The following ZNF469 variants were observed in gnomAD, a reference collection of about 807,000 sequenced individuals.
ZNF469 encodes the protein zinc finger protein 469.
ZNF469 carries 1 observed loss-of-function variant against 1.0 expected under a neutral mutation model. The observed-to-expected ratio is 1.00, with a 90% CI of 0.35 to 4.73. ZNF469 has a LOEUF of 4.73. Ranked by LOEUF, ZNF469 falls within the 30% of genes most tolerant of loss-of-function variation. ZNF469 has a pLI of 0.16. For synonymous variants in ZNF469, 2,703 were observed against 2,363.4 expected (o/e 1.14, Z -4.17); for missense variants, 6,100 against 5,356.3 (o/e 1.14, Z -4.33).
the ZNF469 span, among the ~76,000 whole-genome samples, chr16:88,366,301 A>C: frequency 6.6e-6 from 1 of 151,828 alleles, no homozygotes; most frequent in African/African-American, 2.4e-5. Context: ...CACCATCATC[A>C]CCATCATCAC....
the ZNF469 span, among the ~76,000 whole-genome samples, chr16:88,326,586 A>G: frequency 1.3e-5 from 2 of 152,182 alleles, no homozygotes; most frequent in African/African-American, 2.4e-5. Context: ...AGGACACCGC[A>G]TGTTTCCCAG....
At chr16:88,114,119 G>C in the ZNF469 span, among the ~76,000 whole-genome samples, 1 of 150,046 alleles carries the variant, frequency 6.7e-6, no homozygotes, top group Non-Finnish European at 1.5e-5. Flanking sequence ...GCCCAAGTTT[G>C]CCCACCTGTG....
At chr16:88,422,047 G>A (rs1226956420) in intron 1 of ZNF469, among the ~76,000 whole-genome samples, 2 of 151,156 alleles carry the variant, frequency 1.3e-5, no homozygotes, top group African/African-American at 4.9e-5. Context: ...ATAGATGGGT[G>A]GGTGGATGAA....
At chr16:88,310,413 C>A in the ZNF469 span, among the ~76,000 whole-genome samples, 1 of 111,404 alleles carries the variant, frequency 9.0e-6, no homozygotes, top group South Asian at 3.4e-4. Context: ...TCACATCTCA[C>A]AAGTCACACA....
Position 88,431,510 on chromosome 16 carries a change from C to T in ZNF469, c.4040C>T (p.Ser1347Leu). Residue 1347 changes from serine to leucine, a missense_variant, in exon 3 of 3, where the codon TCA (serine) becomes TTA (leucine). Coordinates refer to ENST00000565624, the MANE Select transcript of ZNF469 (RefSeq NM_001367624.2). ...TACPKPSVLSSKISSFGCDPA... is the reference protein window; with the variant it reads ...TACPKPSVLSLKISSFGCDPA... ...TGCCCCAAACCCAGTGTTCTGTCTT[C>T]AAAGATCTCCAGTTTTGGCTGTGAC... The T allele has an allele frequency of 6.4e-7, 1 of 1,550,444 alleles. No homozygotes were observed. Among genetic ancestry groups the T allele is most frequent in the Non-Finnish European group, 8.7e-7 (1 of 1,146,988 alleles).
At chr16:88,219,144 C>T in the ZNF469 span, among the ~76,000 whole-genome samples, 1 of 148,156 alleles carries the variant, frequency 6.7e-6, no homozygotes, top group Admixed American at 6.7e-5. Context: ...GAAGAACATT[C>T]CATGCTCATG....
At chr16:88,150,771 G>A in the ZNF469 span, among the ~76,000 whole-genome samples, 3 of 151,154 alleles carry the variant, frequency 2.0e-5, no homozygotes, top group South Asian at 2.1e-4. Flanking sequence ...GTGGGAGGGC[G>A]CTAATTTTGA....
chr16:88,200,105 G>A, the ZNF469 span, among the ~76,000 whole-genome samples: 2 of 145,544 alleles, frequency 1.4e-5, no homozygotes, highest in East Asian at 4.0e-4. Flanking sequence ...GACAGGTGAC[G>A]GGAGGAGTGC....
At chr16:88,347,842 C>G in the ZNF469 span, among the ~76,000 whole-genome samples, 1 of 152,240 alleles carries the variant, frequency 6.6e-6, no homozygotes. Flanking sequence ...TTGGGCCTCC[C>G]AGGAAGATAG....
intron 1 of ZNF469, among the ~76,000 whole-genome samples, chr16:88,392,181 A>G (rs1425282703): frequency 6.6e-6 from 1 of 152,262 alleles, no homozygotes; most frequent in Non-Finnish European, 1.5e-5. Context: ...GTGAGTTCAC[A>G]TTCTCCTTGC....
At chr16:88,221,218 G>A in the ZNF469 span, among the ~76,000 whole-genome samples, 5 of 152,350 alleles carry the variant, frequency 3.3e-5, no homozygotes, top group South Asian at 2.1e-4. Flanking sequence ...GGACAGACCC[G>A]GGCTGGCTGG....
chr16:88,387,014 G>A (rs1215128504), intron 1 of ZNF469, among the ~76,000 whole-genome samples: 1 of 152,140 alleles, frequency 6.6e-6, no homozygotes, highest in Non-Finnish European at 1.5e-5. Flanking sequence ...AGGAAAGATG[G>A]GCCAGTACAG....
the ZNF469 span, among the ~76,000 whole-genome samples, chr16:88,336,660 C>T: frequency 2.6e-4 from 40 of 152,246 alleles, no homozygotes; most frequent in African/African-American, 7.0e-4. Flanking sequence ...CCATCCTTCA[C>T]GTGAGACACC....
the ZNF469 span, among the ~76,000 whole-genome samples, chr16:88,182,471 C>G: frequency 6.6e-6 from 1 of 151,912 alleles, no homozygotes; most frequent in African/African-American, 2.4e-5. Context: ...AAGATTCACA[C>G]TTGATTTTTG....
Position 88,434,889 on chromosome 16 carries a change from C to G in ZNF469, c.7419C>G (p.Thr2473=), listed in dbSNP as rs903224408. ...WKGQAPHGPV[T]CEVCAASFRS... is the part of the protein sequence containing the mutation. Reference sequence around the variant, plus strand: ...GCCAAGCTCCACATGGGCCTGTGACCTGTGAGGTCTGCGCAGCCTCCTTCC... The same window carrying G: ...GCCAAGCTCCACATGGGCCTGTGACGTGTGAGGTCTGCGCAGCCTCCTTCC... Residue 2473 remains threonine, a synonymous_variant, in exon 3 of 3, where the codon ACC becomes ACG. Transcript: ENST00000565624. 1.3e-6 allele frequency: 2 copies of G among 1,550,360 alleles called. No individual in the cohort carries two copies. Among genetic ancestry groups the G allele is most frequent in the Non-Finnish European group, 8.7e-7 (1 of 1,146,994 alleles).
Position 88,429,535 on chromosome 16 carries a change from C to G in ZNF469, c.2065C>G (p.Pro689Ala). ...EGAFQCLEET[P>A]FPHEGPEVGR... ...TGCCTTCCAGTGCCTGGAGGAGACCCCATTCCCCCACGAGGGCCCCGAGGT... is the reference window on the plus strand; with the variant it reads ...TGCCTTCCAGTGCCTGGAGGAGACCGCATTCCCCCACGAGGGCCCCGAGGT... The change falls in exon 3 of 3, where the codon CCA (proline) becomes GCA (alanine). Residue 689 changes from proline (P) to alanine (A), a missense_variant. Pro to Ala is a conservative substitution (Grantham distance 27). Coordinates refer to ENST00000565624, the MANE Select transcript of ZNF469 (RefSeq NM_001367624.2). 6.5e-7 allele frequency: 1 copy of G among 1,550,178 alleles called. No homozygotes were observed.
In ZNF469 at chr16:88,431,147, A is replaced by T. The variant is rs1008306980; in HGVS notation, c.3677A>T (p.Lys1226Met). 1.4e-5 allele frequency: 22 copies of T among 1,550,090 alleles called. No homozygotes were observed. Among genetic ancestry groups the T allele is most frequent in the Middle Eastern group, 1.7e-4 (1 of 6,014 alleles). The change falls in exon 3 of 3, where the codon AAG (lysine) becomes ATG (methionine). Residue 1226 changes from lysine (K) to methionine (M), a missense_variant. Physicochemically the swap from Lys to Met is moderately conservative, Grantham distance 95. Transcript: ENST00000565624. Reference protein sequence around the residue: ...RPSLDFPQEAKEPETAEESAP... With the variant: ...RPSLDFPQEAMEPETAEESAP... ...TCGCTGGACTTTCCCCAGGAGGCCAAGGAGCCTGAAACTGCCGAAGAGTCA... is the reference window on the plus strand; with the variant it reads ...TCGCTGGACTTTCCCCAGGAGGCCATGGAGCCTGAAACTGCCGAAGAGTCA...
the ZNF469 span, among the ~76,000 whole-genome samples, chr16:88,142,484 A>G: frequency 6.6e-6 from 1 of 152,206 alleles, no homozygotes; most frequent in Non-Finnish European, 1.5e-5. Context: ...GGTCCTTATC[A>G]ACAGCCCAGT....
chr16:88,130,989 G>C, the ZNF469 span, among the ~76,000 whole-genome samples: 1 of 152,252 alleles, frequency 6.6e-6, no homozygotes. Context: ...GGTGCGAGGG[G>C]CGTGTGCTTC....
Sources: gnomAD v4.1 joint callset for allele counts (sites outside exome capture counted in the v4.1 genomes callset) on GRCh38, gnomAD v4.1.1 for gene constraint, MANE v1.5 for transcripts, NCBI Gene and HGNC (gene_info 2026-07-23, HGNC 2026-07-21) for gene names.